EYS: variants seen among roughly 807,000 people sequenced by gnomAD.
EYS encodes protein eyes shut homolog.
In EYS, 250 loss-of-function variants were observed where a neutral mutation model predicts 282.1. The observed-to-expected ratio is 0.89, with a 90% CI of 0.80 to 0.98. The LOEUF (loss-of-function observed/expected upper bound fraction) is 0.98. EYS is among the 50% of genes least tolerant of loss of function. EYS has a pLI of 0.00. For synonymous variants in EYS, 1,355 were observed against 1,282.9 expected (o/e 1.06, Z -1.20); for missense variants, 4,016 against 3,709.0 (o/e 1.08, Z -2.15).
chr6:65,253,835 G>C (rs529277577), intron 12 of EYS, among the ~76,000 whole-genome samples: 3 of 151,574 alleles, frequency 2.0e-5, no homozygotes, highest in Non-Finnish European at 3.0e-5. Context: ...TTTTTATTAC[G>C]TAGTGACTTA....
chr6:64,083,129 A>G (rs1006676305), intron 31 of EYS, among the ~76,000 whole-genome samples: 4 of 151,972 alleles, frequency 2.6e-5, no homozygotes, highest in Non-Finnish European at 5.9e-5. Context: ...GGATTGTCTC[A>G]AACTCCTGAG....
intron 19 of EYS, among the ~76,000 whole-genome samples, chr6:64,883,751 G>T (rs1442721782): frequency 6.6e-6 from 1 of 151,422 alleles, no homozygotes; most frequent in Non-Finnish European, 1.5e-5. Context: ...TATATCTTTT[G>T]CAAGATAAAA....
intron 12 of EYS, among the ~76,000 whole-genome samples, chr6:65,267,692 G>A (rs912554777): frequency 1.3e-5 from 2 of 151,948 alleles, no homozygotes; most frequent in African/African-American, 4.8e-5. Context: ...TAACAATTCC[G>A]ATTGGTAACT....
chr6:64,883,851 T>TCTAA (rs1767001447), intron 19 of EYS, among the ~76,000 whole-genome samples: 1 of 4,390 alleles, frequency 2.3e-4, no homozygotes, highest in South Asian at 6.1e-3. Context: ...AAATTTGGAC[T>TCTAA]CTGTGATAGT....
At chr6:64,225,481 G>A (rs1316813186) in intron 31 of EYS, among the ~76,000 whole-genome samples, 2 of 152,022 alleles carry the variant, frequency 1.3e-5, no homozygotes, top group South Asian at 2.1e-4. Flanking sequence ...TGTAGTAAAG[G>A]GTGGTGTAAG....
At chr6:64,634,564 A>G (rs2149864737) in intron 22 of EYS, among the ~76,000 whole-genome samples, 1 of 145,662 alleles carries the variant, frequency 6.9e-6, no homozygotes, top group South Asian at 2.2e-4. Context: ...AAAAAAAAAG[A>G]GCCCTAAGGC....
chr6:64,855,536 A>G (rs551770229), intron 19 of EYS, among the ~76,000 whole-genome samples: 9 of 152,230 alleles, frequency 5.9e-5, no homozygotes, highest in Non-Finnish European at 7.4e-5. Context: ...AAATTGAGAG[A>G]TACCTTATTT....
chr6:65,286,386 T>A (rs1768366668), intron 12 of EYS, among the ~76,000 whole-genome samples: 1 of 151,714 alleles, frequency 6.6e-6, no homozygotes. Context: ...CTTTCAAGGA[T>A]CAGCTCAAAT....
At chr6:65,410,991 T>A (rs2150369776) in intron 5 of EYS, among the ~76,000 whole-genome samples, 1 of 152,156 alleles carries the variant, frequency 6.6e-6, no homozygotes, top group South Asian at 2.1e-4. Flanking sequence ...TTCTAGATGT[T>A]AAGCAATTTG....
rs994036546 is a variant in EYS, at chr6:64,696,106, A to G, written c.3444-69861T>C. Reference sequence around the variant, plus strand: ...GATAAATCTGAAAACCCATACAAAGAAATCAGAAAATCAATTCAGGATATG... The same window carrying G: ...GATAAATCTGAAAACCCATACAAAGGAATCAGAAAATCAATTCAGGATATG... On this transcript the variant is annotated intron_variant, in intron 22 of 42. Transcript: ENST00000503581. Among the ~76,000 whole-genome samples the G allele has an allele frequency of 7.9e-5, 12 of 152,336 alleles. No homozygotes were observed. In the East Asian group the frequency reaches 2.3e-3, roughly 29 times the overall value.
intron 35 of EYS, among the ~76,000 whole-genome samples, chr6:63,927,768 C>A (rs756405762): frequency 3.9e-5 from 6 of 152,174 alleles, no homozygotes; most frequent in African/African-American, 7.2e-5. Context: ...CTGAGACAGA[C>A]GCTGGGCAGC....
At chr6:65,115,273 C>T (rs942640581) in intron 12 of EYS, among the ~76,000 whole-genome samples, 18 of 151,836 alleles carry the variant, frequency 1.2e-4, no homozygotes, top group Non-Finnish European at 2.4e-4. Context: ...TCATAATATA[C>T]CTTTCCTATG....
chr6:64,649,568 A>G (rs768984857), intron 22 of EYS, among the ~76,000 whole-genome samples: 4 of 152,040 alleles, frequency 2.6e-5, no homozygotes, highest in South Asian at 4.1e-4. Context: ...TTCAACTCCT[A>G]ACCTCATGTT....
chr6:65,113,333 T>A (rs1775270776), intron 12 of EYS, among the ~76,000 whole-genome samples: 2 of 151,974 alleles, frequency 1.3e-5, no homozygotes, highest in Admixed American at 1.3e-4. Context: ...AAATTGACAA[T>A]CTATATGATG....
chr6:64,224,692 G>A lies in EYS; in HGVS notation c.6424+5900C>T, dbSNP rs181771163. ...AATCTTTGTTTATGGAAATGTTTTG[G>A]TGATGTATTTACATTGTGTTTGCAC... On this transcript the variant is annotated intron_variant, in intron 31 of 42. Transcript: ENST00000503581. 9.9e-5 allele frequency among the ~76,000 whole-genome samples: 15 copies of A among 152,156 alleles called. No homozygotes were observed. In the East Asian group the frequency reaches 2.9e-3, roughly 29 times the overall value.
intron 26 of EYS, among the ~76,000 whole-genome samples, chr6:64,502,502 G>A (rs972636309): frequency 2.0e-5 from 3 of 152,146 alleles, no homozygotes; most frequent in Non-Finnish European, 2.9e-5. Flanking sequence ...GATTACAGGC[G>A]TGAGCCACTG....
intron 31 of EYS, among the ~76,000 whole-genome samples, chr6:64,108,059 G>A (rs1402710762): frequency 6.6e-6 from 1 of 150,972 alleles, no homozygotes; most frequent in East Asian, 1.9e-4. Context: ...AGAACAGAAT[G>A]CTCTGTCATA....
chr6:65,331,158 T>A, intron 11 of EYS: 1 of 882,656 alleles, frequency 1.1e-6, no homozygotes, highest in Non-Finnish European at 1.4e-6. Flanking sequence ...TAAATATATA[T>A]AACATGATAA....
intron 22 of EYS, among the ~76,000 whole-genome samples, chr6:64,686,121 C>A (rs1049337507): frequency 6.7e-6 from 1 of 150,134 alleles, no homozygotes; most frequent in Admixed American, 6.6e-5. Context: ...AAACAGGAAA[C>A]TGTTAAAGCA....
Sources: gnomAD v4.1 joint callset for allele counts (sites outside exome capture counted in the v4.1 genomes callset) on GRCh38, gnomAD v4.1.1 for gene constraint, MANE v1.5 for transcripts, NCBI Gene and HGNC (gene_info 2026-07-23, HGNC 2026-07-21) for gene names.